The following SOX5 variants were observed in gnomAD, a reference collection of about 807,000 sequenced individuals.
SOX5 encodes the protein SRY-box transcription factor 5, also known as transcription factor SOX-5.
SOX5 carries 9 observed loss-of-function variants against 92.0 expected under a neutral mutation model. The ratio of observed to expected loss-of-function variants is 0.10; its 90% CI spans 0.06 to 0.17. SOX5 has a LOEUF of 0.17. Ranked by LOEUF, SOX5 falls within the 10% of genes least tolerant of loss-of-function variation. SOX5 has a pLI of 1.00. For synonymous variants in SOX5, 344 were observed against 336.3 expected, an observed-to-expected ratio of 1.02 and a Z score of -0.25; for missense variants, 642 against 944.5, an observed-to-expected ratio of 0.68 and a Z score of 4.20.
chr12:23,713,250 C>A (rs2092216496), intron 6 of SOX5, among the ~76,000 whole-genome samples: 1 of 152,178 alleles, frequency 6.6e-6, no homozygotes, highest in African/African-American at 2.4e-5. Context: ...TAGGGAGAGG[C>A]ATGCTACAGA....
intron 2 of SOX5, among the ~76,000 whole-genome samples, chr12:24,282,067 C>T (rs1024798551): frequency 6.6e-6 from 1 of 152,182 alleles, no homozygotes; most frequent in East Asian, 1.9e-4. Flanking sequence ...GGAGGAGCTA[C>T]AGAGACTCAA....
At chr12:24,241,164 A>C (rs913529622) in intron 3 of SOX5, among the ~76,000 whole-genome samples, 1 of 152,180 alleles carries the variant, frequency 6.6e-6, no homozygotes, top group South Asian at 2.1e-4. Context: ...TAAGTCAGTC[A>C]TATTGTCTTG....
chr12:23,851,187 A>G (rs1308292950), intron 2 of SOX5, among the ~76,000 whole-genome samples: 1 of 152,180 alleles, frequency 6.6e-6, no homozygotes, highest in Non-Finnish European at 1.5e-5. Flanking sequence ...TCTAAAGATA[A>G]GCATTTAGAA....
At chr12:24,547,572 G>A (rs1232588165) in intron 1 of SOX5, among the ~76,000 whole-genome samples, 1 of 152,202 alleles carries the variant, frequency 6.6e-6, no homozygotes, top group Non-Finnish European at 1.5e-5. Context: ...TAGAAATGGA[G>A]TGGGTATAGT....
At chr12:23,585,811 A>G (rs1950637232) in intron 9 of SOX5, among the ~76,000 whole-genome samples, 1 of 152,176 alleles carries the variant, frequency 6.6e-6, no homozygotes, top group Non-Finnish European at 1.5e-5. Context: ...CTATGTCAGA[A>G]GCCAGGTACA....
At chr12:24,272,488 C>T (rs890282999) in intron 3 of SOX5, among the ~76,000 whole-genome samples, 32 of 152,184 alleles carry the variant, frequency 2.1e-4, no homozygotes, top group African/African-American at 5.3e-4. Flanking sequence ...TTTACTATTA[C>T]GATTTATCTT....
At chr12:24,035,507 T>C (rs1955938000) in intron 4 of SOX5, among the ~76,000 whole-genome samples, 1 of 151,936 alleles carries the variant, frequency 6.6e-6, no homozygotes, top group African/African-American at 2.4e-5. Context: ...AATACAGCAA[T>C]CAAGAAACAA....
At chr12:24,456,799 C>A (rs1024640044) in intron 1 of SOX5, among the ~76,000 whole-genome samples, 1 of 152,198 alleles carries the variant, frequency 6.6e-6, no homozygotes, top group Non-Finnish European at 1.5e-5. Flanking sequence ...AGCTTCCCCA[C>A]ATAATATACC....
chr12:24,129,888 T>C (rs1949482915), intron 4 of SOX5, among the ~76,000 whole-genome samples: 1 of 152,228 alleles, frequency 6.6e-6, no homozygotes, highest in South Asian at 2.1e-4. Context: ...ATTTGTTTTA[T>C]TTTCTTTTAG....
chr12:24,258,659 A>T (rs112463046), intron 3 of SOX5, among the ~76,000 whole-genome samples: 50 of 152,222 alleles, frequency 3.3e-4, no homozygotes, highest in Non-Finnish European at 5.9e-4. Context: ...TGTGGAAAAT[A>T]AACTAAAGTA....
At chr12:24,007,818 CACACATAT>C (rs769882535) in intron 4 of SOX5, among the ~76,000 whole-genome samples, 9 of 33,250 alleles carry the variant, frequency 2.7e-4, no homozygotes, top group South Asian at 2.2e-3. Flanking sequence ...CACACACACA[CACACATAT>C]ATATATATAT....
rs1457747123 is a variant in SOX5 at position 24,560,874 on chromosome 12, C to T, written c.-251+1455G>A. On this transcript the variant is annotated intron_variant, in intron 1 of 4. Transcript: ENST00000446891. Reference sequence around the variant, plus strand: ...AAATGTCCATTGCCTACAAATCTCACATGTGCCTACTTCATTGGCCTGTTT... The same window carrying T: ...AAATGTCCATTGCCTACAAATCTCATATGTGCCTACTTCATTGGCCTGTTT... Among the ~76,000 whole-genome samples, 5 of 152,210 alleles carry T rather than the reference C, an allele frequency of 3.3e-5. No individual in the cohort carries two copies. In the East Asian group the frequency reaches 9.6e-4, roughly 29 times the overall value.
intron 2 of SOX5, 53 bp downstream of exon 2, chr12:23,895,740 G>C: frequency 8.1e-7 from 1 of 1,234,596 alleles, no homozygotes; most frequent in Non-Finnish European, 1.2e-6. Flanking sequence ...ACTATTAGAG[G>C]AGTAGACTGG....
chr12:24,313,638 A>G (rs1949417003), intron 2 of SOX5, among the ~76,000 whole-genome samples: 1 of 152,182 alleles, frequency 6.6e-6, no homozygotes, highest in South Asian at 2.1e-4. Flanking sequence ...TTGTTTCCCC[A>G]TTGGACTACT....
chr12:24,282,168 G>T (rs963862135), intron 2 of SOX5, among the ~76,000 whole-genome samples: 1 of 152,008 alleles, frequency 6.6e-6, no homozygotes, highest in Non-Finnish European at 1.5e-5. Flanking sequence ...CAATAAATGC[G>T]ATATCTTTAG....
At chr12:23,957,954 AATGGTAT>A in intron 4 of SOX5, among the ~76,000 whole-genome samples, 1 of 152,190 alleles carries the variant, frequency 6.6e-6, no homozygotes, top group East Asian at 1.9e-4. Context: ...TTGGGTATCA[AATGGTAT>A]ATTACTATTT....
chr12:24,064,036 T>A (rs1266855546), intron 4 of SOX5, among the ~76,000 whole-genome samples: 2 of 152,168 alleles, frequency 1.3e-5, no homozygotes, highest in Non-Finnish European at 2.9e-5. Flanking sequence ...AACTGTAAGA[T>A]CCTTAAGCTC....
intron 4 of SOX5, among the ~76,000 whole-genome samples, chr12:24,189,437 A>T (rs1227440261): frequency 2.0e-5 from 3 of 152,192 alleles, no homozygotes; most frequent in Non-Finnish European, 4.4e-5. Flanking sequence ...GGTGATTTCA[A>T]ATATCAACTC....
chr12:23,975,543 G>A (rs1390132560), intron 4 of SOX5, among the ~76,000 whole-genome samples: 4 of 152,036 alleles, frequency 2.6e-5, no homozygotes, highest in Admixed American at 6.6e-5. Flanking sequence ...CAGAAGCTCT[G>A]GAACGCTCTA....
Sources: gnomAD v4.1 joint callset for allele counts (sites outside exome capture counted in the v4.1 genomes callset) on GRCh38, gnomAD v4.1.1 for gene constraint, MANE v1.5 for transcripts, NCBI Gene and HGNC (gene_info 2026-07-23, HGNC 2026-07-21) for gene names.